Variants in ANTXRL observed in about 807,000 individuals in gnomAD.
ANTXRL encodes anthrax toxin receptor-like.
In ANTXRL, 63 loss-of-function variants were observed where a neutral mutation model predicts 75.4. The observed-to-expected ratio is 0.84, with a 90% confidence interval of 0.68 to 1.03. The LOEUF (loss-of-function observed/expected upper bound fraction) is 1.03. ANTXRL is among the 50% of genes least tolerant of loss of function. ANTXRL has a pLI of 0.00. For missense variants in ANTXRL, 797 were observed against 789.4 expected (o/e 1.01, Z -0.12); for synonymous variants, 335 against 291.3 (o/e 1.15, Z -1.53).
chr10:46,317,887 A>C (rs1838810421), intron 16 of ANTXRL, among the ~76,000 whole-genome samples: 1 of 152,172 alleles, frequency 6.6e-6, no homozygotes, highest in African/African-American at 2.4e-5. Flanking sequence ...TTGCTGGCTT[A>C]GATATCTGCA....
At position 46,329,868 on chromosome 10, in the gene ANTXRL, C is replaced by T; in HGVS notation, c.1680C>T (p.Ser560=). The T allele has an allele frequency of 3.3e-6, 5 of 1,535,300 alleles. No individual in the cohort carries two copies. Among genetic ancestry groups the T allele is most frequent in the Non-Finnish European group, 4.4e-6 (5 of 1,146,344 alleles). Residue 560 remains serine, a synonymous_variant, in exon 17 of 17, where the codon AGC becomes AGT. Coordinates refer to ENST00000620264, the MANE Select transcript of ANTXRL (RefSeq NM_001278688.3). ...GCCCAAGGATCTGCCTGAGACACAGCCCGGAGTACTTTTCCCAAGCACAGA... is the reference window on the plus strand; with the variant it reads ...GCCCAAGGATCTGCCTGAGACACAGTCCGGAGTACTTTTCCCAAGCACAGA... ...PCSPRICLRH[S]PEYFSQAQTL...
chr10:46,324,862 T>A (rs1456896076), intron 16 of ANTXRL, among the ~76,000 whole-genome samples: 1 of 152,136 alleles, frequency 6.6e-6, no homozygotes, highest in Non-Finnish European at 1.5e-5. Flanking sequence ...CTTTCAACTC[T>A]GAAAGTCCTA....
chr10:46,309,127 C>A lies in ANTXRL; in HGVS notation c.1059C>A (p.Asn353Lys). 1 of 1,525,304 alleles carries A rather than the reference C, an allele frequency of 6.6e-7. No individual in the cohort carries two copies. The highest frequency in any genetic ancestry group is 8.7e-7 in the Non-Finnish European group (1 of 1,146,390). The allele number at this position is 1,525,304 out of a possible 1,614,324, so 94.5% of individuals were successfully genotyped here. The change falls in exon 13 of 17, where the codon AAC (asparagine) becomes AAA (lysine). Residue 353 changes from asparagine (N) to lysine (K), a missense_variant. This residue lies in a region of ANTXRL where 479 missense variants were observed against 422.0 expected (regional missense o/e 1.14). Transcript: ENST00000620264. Reference sequence around the variant, plus strand: ...TTCTCCACCAGGGCATTTTCCGCAACTGGCTCTATTTTGTGCCACTCCTGC... The same window carrying A: ...TTCTCCACCAGGGCATTTTCCGCAAATGGCTCTATTTTGTGCCACTCCTGC... ...ITSTTCGIFR[N>K]WLYFVPLLLL... is the part of the protein sequence containing the mutation.
rs1172797754 is a variant in ANTXRL, at chr10:46,309,149, C to T, written c.1081C>T (p.Leu361=). 3 of 1,535,642 alleles carry T rather than the reference C, an allele frequency of 2.0e-6. No individual in the cohort carries two copies. The highest frequency in any genetic ancestry group is 2.6e-6 in the Non-Finnish European group (3 of 1,146,668). Residue 361 remains leucine (L), a synonymous_variant, in exon 13 of 17, where the codon CTG becomes TTG. Transcript: ENST00000620264. ...FRNWLYFVPL[L]LLVPLLLCCV... The stretch of plus-strand genomic sequence containing the variant: ...CAACTGGCTCTATTTTGTGCCACTC[C>T]TGCTGCTTGTGCCACTGCTGCTGTG...
chr10:46,302,769 A>C lies in ANTXRL; in HGVS notation c.844A>C (p.Lys282Gln). ...IHGNGFQNLK[K>Q]RDEVICRFIF... ...TGGAAATGGCTTTCAGAATCTAAAG[A>C]AACGGGATGAAGTTATTTGCAGATT... is the stretch of plus-strand genomic sequence containing the variant. The change falls in exon 10 of 17, where the codon AAA (lysine) becomes CAA (glutamine). Residue 282 changes from lysine (K) to glutamine (Q), a missense_variant. Physicochemically the swap from Lys to Gln is moderately conservative, Grantham distance 53. Coordinates refer to ENST00000620264, the MANE Select transcript of ANTXRL (RefSeq NM_001278688.3). 6.5e-7 allele frequency: 1 copy of C among 1,536,394 alleles called. No individual in the cohort carries two copies. Among genetic ancestry groups the C allele is most frequent in the Non-Finnish European group, 8.7e-7 (1 of 1,146,782 alleles).
intron 2 of ANTXRL, among the ~76,000 whole-genome samples, chr10:46,293,401 A>G (rs1272540914): frequency 2.3e-5 from 2 of 88,028 alleles, no homozygotes; most frequent in African/African-American, 4.7e-5. Context: ...TGTGTGTGTG[A>G]GTGTGTGCCT....
At chr10:46,322,317 G>C (rs1035104418) in intron 16 of ANTXRL, among the ~76,000 whole-genome samples, 1 of 152,038 alleles carries the variant, frequency 6.6e-6, no homozygotes, top group African/African-American at 2.4e-5. Flanking sequence ...AATTAGCCAG[G>C]TGTGGTGGCG....
intron 10 of ANTXRL, among the ~76,000 whole-genome samples, chr10:46,304,029 G>C (rs2132748191): frequency 6.6e-6 from 1 of 152,266 alleles, no homozygotes; most frequent in East Asian, 1.9e-4. Context: ...GGAAGGGGCT[G>C]AGCCTGTCAT....
intron 1 of ANTXRL, among the ~76,000 whole-genome samples, chr10:46,291,615 T>G (rs1554956501): frequency 6.6e-6 from 1 of 152,212 alleles, no homozygotes; most frequent in Non-Finnish European, 1.5e-5. Flanking sequence ...CAGTACACAT[T>G]TCTTTAGCTT....
In ANTXRL at chr10:46,315,683, G is replaced by T. The variant is rs543613907; in HGVS notation, c.1410+2367G>T. ...CTGGGGAGTGTGATAAGCTCGGGAA[G>T]TTGATGAGCCTGTTTGACTGGAATG... is the stretch of plus-strand genomic sequence containing the variant. On this transcript the variant is annotated intron_variant, in intron 16 of 16. Coordinates refer to ENST00000620264, the MANE Select transcript of ANTXRL (RefSeq NM_001278688.3). Among the ~76,000 whole-genome samples, 3 of 152,300 alleles carry T rather than the reference G, an allele frequency of 2.0e-5. No homozygotes were observed. In the South Asian group the frequency reaches 6.2e-4, roughly 32 times the overall value.
chr10:46,327,837 C>T (rs573570255), intron 16 of ANTXRL, among the ~76,000 whole-genome samples: 1 of 152,242 alleles, frequency 6.6e-6, no homozygotes, highest in East Asian at 1.9e-4. Flanking sequence ...GAAGGGTGGC[C>T]TTGAGTACAG....
In ANTXRL at chr10:46,310,510, G is replaced by T; in HGVS notation, c.1173+11G>T. The T allele has an allele frequency of 6.5e-7, 1 of 1,536,076 alleles. No individual in the cohort carries two copies. The highest frequency in any genetic ancestry group is 1.2e-5 in the South Asian group (1 of 84,034). ...CAGAAGCCAGAAAAGGTAAGTTGCA[G>T]TTCTGGTCCCGATATTGTCACATCC... On this transcript the variant is annotated intron_variant, in intron 14 of 16. Coordinates refer to ENST00000620264, the MANE Select transcript of ANTXRL (RefSeq NM_001278688.3).
intron 7 of ANTXRL, 21 bp downstream of exon 7, chr10:46,297,495 A>G (rs1837450217): frequency 6.5e-7 from 1 of 1,534,548 alleles, no homozygotes. Context: ...GCAGGTAACC[A>G]GGCGCCACTT....
At chr10:46,319,435 G>A (rs1554965195) in intron 16 of ANTXRL, among the ~76,000 whole-genome samples, 3 of 152,124 alleles carry the variant, frequency 2.0e-5, no homozygotes, top group Non-Finnish European at 1.5e-5. Flanking sequence ...AGTGGACCAC[G>A]GGGACTATTA....
intron 1 of ANTXRL, 37 bp from the exon 2 acceptor site, chr10:46,292,021 C>A: frequency 6.6e-7 from 1 of 1,509,820 alleles, no homozygotes. Context: ...CGGAGAGATG[C>A]ACTCATCTCC....
chr10:46,317,415 G>T (rs1334397043), intron 16 of ANTXRL, among the ~76,000 whole-genome samples: 1 of 152,162 alleles, frequency 6.6e-6, no homozygotes, highest in East Asian at 1.9e-4. Flanking sequence ...ACTCATGTTT[G>T]CTGGGATAGT....
chr10:46,291,996 C>A, intron 1 of ANTXRL, 62 bp from the exon 2 acceptor site: 1 of 1,466,000 alleles, frequency 6.8e-7, no homozygotes, highest in Non-Finnish European at 9.2e-7. Flanking sequence ...GGGGGCGGGG[C>A]AGACACTTGC....
intron 16 of ANTXRL, among the ~76,000 whole-genome samples, chr10:46,314,518 G>A (rs1838613332): frequency 6.6e-6 from 1 of 152,062 alleles, no homozygotes; most frequent in African/African-American, 2.4e-5. Flanking sequence ...GAGGTGGGAA[G>A]GTTGGCGTGG....
At position 46,296,005 on chromosome 10, in the gene ANTXRL, T is replaced by C. The variant is rs782034903; in HGVS notation, c.393-14T>C. ...TGTCTTTCCAGGTCAACCACCTTTT[T>C]AAATTTTTTTCAGGAATAGAATAAA... On this transcript the variant is annotated splice_polypyrimidine_tract_variant and intron_variant, in intron 3 of 16. Coordinates refer to ENST00000620264, the MANE Select transcript of ANTXRL (RefSeq NM_001278688.3). 1.3e-5 allele frequency: 20 copies of C among 1,534,532 alleles called. No homozygotes were observed. Among genetic ancestry groups the C allele is most frequent in the Non-Finnish European group, 1.7e-5 (20 of 1,145,548 alleles).
Sources: gnomAD v4.1 joint callset for allele counts (sites outside exome capture counted in the v4.1 genomes callset) on GRCh38, gnomAD v4.1.1 for gene constraint, gnomAD v4.1.1 regional missense constraint, MANE v1.5 for transcripts, NCBI Gene and HGNC (gene_info 2026-07-23, HGNC 2026-07-21) for gene names.